The following PHACTR3 variants were observed in gnomAD, a reference collection of about 807,000 sequenced individuals.
The protein encoded by PHACTR3 is phosphatase and actin regulator 3, also known as protein phosphatase 1, regulatory subunit 123.
A neutral mutation model predicts 66.8 loss-of-function variants in PHACTR3; 16 were observed. The ratio of observed to expected loss-of-function variants is 0.24; its 90% CI spans 0.16 to 0.36. PHACTR3 has a LOEUF of 0.36. Ranked by LOEUF, PHACTR3 falls within the 10% of genes least tolerant of loss-of-function variation. The pLI is 1.00. For missense variants in PHACTR3, 647 were observed against 719.9 expected (o/e 0.90, Z 1.16); for synonymous variants, 323 against 292.1 (o/e 1.11, Z -1.08).
intron 1 of PHACTR3, among the ~76,000 whole-genome samples, chr20:59,681,212 T>C (rs1251997034): frequency 6.6e-6 from 1 of 152,128 alleles, no homozygotes; most frequent in African/African-American, 2.4e-5. Flanking sequence ...GCAGAAAAAA[T>C]TTGCCCATGC....
At chr20:59,690,773 C>G (rs1434550462) in intron 1 of PHACTR3, among the ~76,000 whole-genome samples, 1 of 152,144 alleles carries the variant, frequency 6.6e-6, no homozygotes, top group African/African-American at 2.4e-5. Flanking sequence ...CCTTTCCTTT[C>G]CTGGGAGGTC....
chr20:59,749,478 A>G (rs1043809388), intron 3 of PHACTR3, among the ~76,000 whole-genome samples: 1 of 152,136 alleles, frequency 6.6e-6, no homozygotes, highest in Admixed American at 6.5e-5. Context: ...GCTGGAGACG[A>G]ATGCTTGGCC....
Position 59,604,609 on chromosome 20 carries a change from TG to T in PHACTR3, c.-400del. ...TTTCCTGGGGGGGTGGGGGGTGGGG[TG>T]GGGGGAGGGAGCGCCCCCAGACATT... On this transcript the variant is annotated 5_prime_UTR_variant, in exon 1 of 13. Transcript: ENST00000371015. 4 of 111,148 alleles carry T rather than the reference TG, an allele frequency of 3.6e-5. No individual in the cohort carries two copies. The highest frequency in any genetic ancestry group is 4.4e-5 in the Non-Finnish European group (4 of 91,250). 6.9% of individuals were successfully genotyped at this position (111,148 alleles called of 1,614,324 possible).
intron 3 of PHACTR3, among the ~76,000 whole-genome samples, chr20:59,752,609 A>C (rs369682411): frequency 1.4e-4 from 5 of 35,148 alleles, no homozygotes; most frequent in South Asian, 3.0e-3. Flanking sequence ...GGGAAGGTTC[A>C]AAGACTGTGG....
At chr20:59,642,499 C>T (rs145438464) in intron 1 of PHACTR3, among the ~76,000 whole-genome samples, 3 of 142,016 alleles carry the variant, frequency 2.1e-5, no homozygotes, top group East Asian at 4.3e-4. Context: ...TTTCCCGTGT[C>T]GGGATTGTTC....
intron 1 of PHACTR3, among the ~76,000 whole-genome samples, chr20:59,591,812 T>C (rs1215228433): frequency 1.3e-5 from 2 of 152,310 alleles, no homozygotes; most frequent in African/African-American, 4.8e-5. Flanking sequence ...TCTGTTACTT[T>C]ATTTTGTGTT....
In PHACTR3 at chr20:59,747,298, A is replaced by G. The variant is rs2039407615; in HGVS notation, c.281-460A>G. ...AGCTCTAGTGGGAGAGCCGCACAGG[A>G]GAATCTCATCTGTGAGTGGATGTTA... On this transcript the variant is annotated intron_variant, in intron 2 of 12. Coordinates refer to ENST00000371015, the MANE Select transcript of PHACTR3 (RefSeq NM_080672.5). 3.3e-5 allele frequency among the ~76,000 whole-genome samples: 5 copies of G among 152,196 alleles called. No homozygotes were observed. In the South Asian group the frequency reaches 1.0e-3, roughly 31 times the overall value.
intron 1 of PHACTR3, among the ~76,000 whole-genome samples, chr20:59,735,100 T>C (rs1257838194): frequency 1.3e-5 from 2 of 152,118 alleles, no homozygotes; most frequent in Admixed American, 1.3e-4. Context: ...GTATTGGTGT[T>C]ACAGGTAAGG....
chr20:59,634,154 A>C (rs1451970127), intron 1 of PHACTR3, among the ~76,000 whole-genome samples: 1 of 152,216 alleles, frequency 6.6e-6, no homozygotes, highest in Non-Finnish European at 1.5e-5. Flanking sequence ...AAGGGTTTGT[A>C]ACATAAGGCA....
intron 8 of PHACTR3, among the ~76,000 whole-genome samples, chr20:59,818,105 G>A (rs2041934928): frequency 6.6e-6 from 1 of 152,176 alleles, no homozygotes; most frequent in Non-Finnish European, 1.5e-5. Context: ...CTTGTGTGCG[G>A]CCCTCTCAGC....
intron 8 of PHACTR3, among the ~76,000 whole-genome samples, chr20:59,812,808 C>T (rs1024672983): frequency 6.6e-5 from 10 of 152,168 alleles, no homozygotes; most frequent in Middle Eastern, 3.2e-3. Flanking sequence ...GAGGGTCTGC[C>T]GTGACGCTGG....
intron 8 of PHACTR3, among the ~76,000 whole-genome samples, chr20:59,817,071 A>G (rs879714503): frequency 6.6e-6 from 1 of 152,250 alleles, no homozygotes; most frequent in Non-Finnish European, 1.5e-5. Flanking sequence ...GTTTATTTCA[A>G]TAAAATAAGA....
At position 59,828,832 on chromosome 20, in the gene PHACTR3, G is replaced by C. The variant is rs142195402; in HGVS notation, c.1329-7673G>C. The stretch of plus-strand genomic sequence containing the variant: ...GCTTGAGCTCATCGTGGGAGTAGGA[G>C]TTAGAGTTATGCTGCTGTGGGCAGG... On this transcript the variant is annotated intron_variant, in intron 8 of 12. Transcript: ENST00000371015. 2.8e-3 allele frequency among the ~76,000 whole-genome samples: 427 copies of C among 152,208 alleles called. 2 individuals are homozygous for C. Among genetic ancestry groups the C allele is most frequent in the African/African-American group, 9.8e-3 (405 of 41,514 alleles).
chr20:59,836,200 C>T (rs1210267913), intron 8 of PHACTR3: 8 of 302,868 alleles, frequency 2.6e-5, no homozygotes, highest in South Asian at 7.5e-5. Context: ...CACACTGCTC[C>T]GGTGAACAGT....
In PHACTR3 at chr20:59,783,863, G is replaced by A. The variant is rs185394069; in HGVS notation, c.1174+9373G>A. 1.7e-3 allele frequency among the ~76,000 whole-genome samples: 256 copies of A among 152,368 alleles called. 1 individual carries two copies. The highest frequency in any genetic ancestry group is 4.6e-3 in the Admixed American group (71 of 15,306). On this transcript the variant is annotated intron_variant, in intron 7 of 12. Coordinates refer to ENST00000371015, the MANE Select transcript of PHACTR3 (RefSeq NM_080672.5). ...AGGCAAAGAGTACTCTGTGATTTGT[G>A]CATCTGAAAGCAGCTGTTCTGGGCC...
At chr20:59,707,992 T>C (rs1000000282) in intron 1 of PHACTR3, among the ~76,000 whole-genome samples, 2 of 152,238 alleles carry the variant, frequency 1.3e-5, no homozygotes, top group Non-Finnish European at 2.9e-5. Context: ...TATTTTAAAT[T>C]TTCCTAACAG....
intron 1 of PHACTR3, among the ~76,000 whole-genome samples, chr20:59,713,612 G>A (rs2037982542): frequency 6.6e-6 from 1 of 152,040 alleles, no homozygotes; most frequent in South Asian, 2.1e-4. Context: ...TTTCTTTGCT[G>A]TATAGTATTC....
intron 1 of PHACTR3, among the ~76,000 whole-genome samples, chr20:59,682,082 G>A (rs903122843): frequency 1.3e-5 from 2 of 152,068 alleles, no homozygotes; most frequent in Non-Finnish European, 2.9e-5. Context: ...GCTCATGCCT[G>A]TAATCCCAGC....
chr20:59,734,986 T>C (rs2038898055), intron 1 of PHACTR3, among the ~76,000 whole-genome samples: 1 of 152,024 alleles, frequency 6.6e-6, no homozygotes, highest in Admixed American at 6.5e-5. Flanking sequence ...CCAGGTACCT[T>C]AGTTTTCTCA....
Sources: allele counts gnomAD v4.1 joint callset (sites outside exome capture counted in the v4.1 genomes callset), GRCh38; gene constraint gnomAD v4.1.1; transcripts MANE v1.5; gene names NCBI Gene and HGNC (gene_info 2026-07-23, HGNC 2026-07-21).